The following PDS5B variants were observed in gnomAD, a reference collection of about 807,000 sequenced individuals.
The protein encoded by PDS5B is sister chromatid cohesion protein PDS5 homolog B.
In PDS5B, 51 loss-of-function variants were observed where a neutral mutation model predicts 184.1. The observed-to-expected ratio is 0.28, with a 90% CI of 0.22 to 0.35. The LOEUF (loss-of-function observed/expected upper bound fraction) is 0.35. PDS5B is among the 10% of genes least tolerant of loss of function. PDS5B has a pLI of 1.00. For synonymous variants in PDS5B, 566 were observed against 569.2 expected (o/e 0.99, Z 0.08); for missense variants, 1,180 against 1,723.3 (o/e 0.68, Z 5.58).
Position 32,698,239 on chromosome 13 carries a change from CT to C in PDS5B, c.1600+1346del, listed in dbSNP as rs908959705. ...CCCTTCTTTTCCCTACCCCCTTTTG[CT>C]TTTTTTTTCTGAAATAATAGGCCTT... On this transcript the variant is annotated intron_variant, in intron 15 of 34. Coordinates refer to ENST00000315596, the MANE Select transcript of PDS5B (RefSeq NM_015032.4). 4.7e-4 allele frequency among the ~76,000 whole-genome samples: 71 copies of C among 150,946 alleles called. 2 individuals are homozygous for C. The highest frequency in any genetic ancestry group is 1.0e-4 in the Non-Finnish European group (7 of 67,744).
intron 6 of PDS5B, among the ~76,000 whole-genome samples, chr13:32,666,517 C>G (rs1214677370): frequency 1.3e-5 from 2 of 151,994 alleles, no homozygotes; most frequent in Non-Finnish European, 2.9e-5. Flanking sequence ...ATGTCAGGTA[C>G]CTTGATTCGA....
chr13:32,598,738 A>G (rs910015405), intron 1 of PDS5B, among the ~76,000 whole-genome samples: 1 of 150,248 alleles, frequency 6.7e-6, no homozygotes, highest in South Asian at 2.1e-4. Context: ...TTTGCTGGAT[A>G]TAGAATTCTC....
intron 6 of PDS5B, among the ~76,000 whole-genome samples, chr13:32,666,570 C>T (rs1419760925): frequency 6.6e-6 from 1 of 150,780 alleles, no homozygotes; most frequent in Non-Finnish European, 1.5e-5. Context: ...CACATGTATC[C>T]CCAGAATAAG....
chr13:32,672,262 A>T (rs1158878410), intron 7 of PDS5B, among the ~76,000 whole-genome samples: 1 of 152,082 alleles, frequency 6.6e-6, no homozygotes, highest in Non-Finnish European at 1.5e-5. Flanking sequence ...TATCTATGGG[A>T]TGATGTTTTC....
intron 31 of PDS5B, among the ~76,000 whole-genome samples, chr13:32,769,607 A>T (rs1009609964): frequency 6.6e-6 from 1 of 152,226 alleles, no homozygotes; most frequent in Non-Finnish European, 1.5e-5. Context: ...TCCAAAATTT[A>T]TAATAAATGA....
At chr13:32,601,692 GT>G (rs1162459375) in intron 1 of PDS5B, among the ~76,000 whole-genome samples, 4 of 152,210 alleles carry the variant, frequency 2.6e-5, no homozygotes, top group Admixed American at 1.3e-4. Context: ...AGATAGGGCT[GT>G]TGGACATTTA....
At chr13:32,661,395 A>AAAAAAAAAAAAAAAAAAAAAAAAG (rs1950640587) in intron 6 of PDS5B, among the ~76,000 whole-genome samples, 1 of 149,722 alleles carries the variant, frequency 6.7e-6, no homozygotes, top group African/African-American at 2.4e-5. Flanking sequence ...CAAAAAAAAA[A>AAAAAAAAAAAAAAAAAAAAAAAAG]AAAAAAAAAA....
intron 3 of PDS5B, among the ~76,000 whole-genome samples, chr13:32,656,267 C>T (rs570882747): frequency 3.1e-5 from 4 of 129,158 alleles, no homozygotes; most frequent in East Asian, 2.1e-4. Flanking sequence ...GTGATGTCTC[C>T]AGCTTCTTTT....
intron 30 of PDS5B, among the ~76,000 whole-genome samples, chr13:32,761,696 C>T (rs1241809118): frequency 6.6e-6 from 1 of 151,988 alleles, no homozygotes; most frequent in East Asian, 1.9e-4. Context: ...TTTTTTAATC[C>T]AGTCCATTAT....
In PDS5B at chr13:32,666,948, A is replaced by G. The variant is rs191274900; in HGVS notation, c.625-816A>G. Among the ~76,000 whole-genome samples, 74 of 152,332 alleles carry G rather than the reference A, an allele frequency of 4.9e-4. No individual in the cohort carries two copies. In the East Asian group the frequency reaches 0.013, roughly 27 times the overall value. On this transcript the variant is annotated intron_variant, in intron 6 of 34. Transcript: ENST00000315596. Reference sequence around the variant, plus strand: ...TTCTCATTTACACAAGGAGACTTGTACAAGACATATAATTTAATGTCAATG... The same window carrying G: ...TTCTCATTTACACAAGGAGACTTGTGCAAGACATATAATTTAATGTCAATG...
intron 33 of PDS5B, 26 bp from the exon 34 acceptor site, chr13:32,773,163 T>C (rs1954846679): frequency 6.4e-7 from 1 of 1,564,028 alleles, no homozygotes. Flanking sequence ...GAACGTTCAT[T>C]GTGTTTTACA....
chr13:32,750,591 G>T (rs1297612764), intron 24 of PDS5B, among the ~76,000 whole-genome samples: 1 of 151,936 alleles, frequency 6.6e-6, no homozygotes, highest in African/African-American at 2.4e-5. Context: ...ACCCAGGCTG[G>T]AGTGCAGTGG....
At chr13:32,638,926 G>C (rs2058611112) in intron 1 of PDS5B, among the ~76,000 whole-genome samples, 1 of 151,886 alleles carries the variant, frequency 6.6e-6, no homozygotes, top group African/African-American at 2.4e-5. Context: ...TGGCGCTTCT[G>C]TTTTCTCAAT....
intron 1 of PDS5B, among the ~76,000 whole-genome samples, chr13:32,612,835 A>G (rs1268051400): frequency 6.6e-6 from 1 of 152,202 alleles, no homozygotes; most frequent in African/African-American, 2.4e-5. Context: ...TGGACTTTCC[A>G]GTCTCCATAA....
chr13:32,744,068 C>G (rs374412763), intron 23 of PDS5B, among the ~76,000 whole-genome samples: 4 of 152,148 alleles, frequency 2.6e-5, no homozygotes, highest in African/African-American at 9.6e-5. Context: ...TGGTGGTTTA[C>G]AACATTCAGG....
At chr13:32,611,544 G>C (rs894695896) in intron 1 of PDS5B, among the ~76,000 whole-genome samples, 4 of 100,504 alleles carry the variant, frequency 4.0e-5, no homozygotes, top group Non-Finnish European at 7.5e-5. Flanking sequence ...GTCTTGTTCT[G>C]TTGCCCAGAC....
intron 3 of PDS5B, among the ~76,000 whole-genome samples, chr13:32,653,244 G>A (rs1208108664): frequency 4.6e-5 from 7 of 151,966 alleles, no homozygotes; most frequent in East Asian, 1.9e-4. Context: ...GAGTGAGATT[G>A]CGCCGCTGCA....
At chr13:32,631,844 C>T (rs1363452904) in intron 1 of PDS5B, among the ~76,000 whole-genome samples, 2 of 152,168 alleles carry the variant, frequency 1.3e-5, no homozygotes. Context: ...CTAAACTTGT[C>T]TGACCATAGG....
chr13:32,756,003 T>G, intron 26 of PDS5B, 47 bp downstream of exon 26: 1 of 891,476 alleles, frequency 1.1e-6, no homozygotes, highest in East Asian at 2.4e-5. Context: ...AAGTTATTTT[T>G]TCTCCTTAAT....
Sources: allele counts gnomAD v4.1 joint callset (sites outside exome capture counted in the v4.1 genomes callset), GRCh38; gene constraint gnomAD v4.1.1; transcripts MANE v1.5; gene names NCBI Gene and HGNC (gene_info 2026-07-23, HGNC 2026-07-21).